CNTNAP5: variants seen among roughly 807,000 people sequenced by gnomAD.
The protein encoded by CNTNAP5 is contactin-associated protein-like 5.
In CNTNAP5, 72 loss-of-function variants were observed where a neutral mutation model predicts 150.2. The observed-to-expected ratio is 0.48, with a 90% confidence interval of 0.40 to 0.58. The LOEUF (loss-of-function observed/expected upper bound fraction) is 0.58. Ranked by LOEUF, CNTNAP5 falls within the 20% of genes least tolerant of loss-of-function variation. CNTNAP5 has a pLI of 0.00. For missense variants in CNTNAP5, 1,636 were observed against 1,626.2 expected (o/e 1.01, Z -0.10); for synonymous variants, 672 against 619.8 (o/e 1.08, Z -1.25).
At chr2:124,125,732 T>C (rs1394831233) in intron 1 of CNTNAP5, among the ~76,000 whole-genome samples, 1 of 152,084 alleles carries the variant, frequency 6.6e-6, no homozygotes, top group Non-Finnish European at 1.5e-5. Flanking sequence ...CACAGTGCAA[T>C]GAAACTAGAA....
intron 4 of CNTNAP5, among the ~76,000 whole-genome samples, chr2:124,421,823 T>TC (rs961680719): frequency 6.6e-6 from 1 of 152,116 alleles, no homozygotes; most frequent in African/African-American, 2.4e-5. Flanking sequence ...CTCAGAGAAG[T>TC]CCCCCCGACT....
chr2:124,913,634 C>A (rs1299731137), intron 23 of CNTNAP5, among the ~76,000 whole-genome samples: 1 of 152,006 alleles, frequency 6.6e-6, no homozygotes, highest in Non-Finnish European at 1.5e-5. Flanking sequence ...AAATTTACAT[C>A]AGGAGAGCAT....
chr2:124,246,486 T>C (rs574077358), intron 3 of CNTNAP5, among the ~76,000 whole-genome samples: 1 of 152,226 alleles, frequency 6.6e-6, no homozygotes, highest in Non-Finnish European at 1.5e-5. Context: ...CTCTTCCTGA[T>C]TGGTGTGTAG....
At chr2:124,695,684 G>A (rs2105084094) in intron 13 of CNTNAP5, among the ~76,000 whole-genome samples, 1 of 152,252 alleles carries the variant, frequency 6.6e-6, no homozygotes, top group East Asian at 1.9e-4. Context: ...AAAGGAATCT[G>A]GTCAGCTGAA....
At chr2:124,199,849 T>G (rs1270671638) in intron 1 of CNTNAP5, among the ~76,000 whole-genome samples, 1 of 152,240 alleles carries the variant, frequency 6.6e-6, no homozygotes, top group African/African-American at 2.4e-5. Context: ...ATAAACACTT[T>G]TCTTCATTCT....
intron 13 of CNTNAP5, among the ~76,000 whole-genome samples, chr2:124,665,005 G>A (rs571955008): frequency 4.0e-4 from 61 of 152,286 alleles, no homozygotes; most frequent in Non-Finnish European, 6.3e-4. Context: ...TAATCCTACC[G>A]TGTGCTCAGA....
At chr2:124,768,339 T>C (rs2104605981) in intron 16 of CNTNAP5, among the ~76,000 whole-genome samples, 1 of 150,918 alleles carries the variant, frequency 6.6e-6, no homozygotes, top group Non-Finnish European at 1.5e-5. Flanking sequence ...ATATTTACTG[T>C]ATAAATATGA....
chr2:124,716,393 A>AT (rs1679945452), intron 13 of CNTNAP5, among the ~76,000 whole-genome samples: 1 of 152,094 alleles, frequency 6.6e-6, no homozygotes. Flanking sequence ...CACATGTACT[A>AT]TTTGGAAGAT....
intron 5 of CNTNAP5, among the ~76,000 whole-genome samples, chr2:124,439,858 C>T (rs891623868): frequency 1.3e-5 from 2 of 152,298 alleles, no homozygotes; most frequent in African/African-American, 2.4e-5. Context: ...CCCCATTTTA[C>T]TTTTCTACAG....
intron 12 of CNTNAP5, among the ~76,000 whole-genome samples, chr2:124,613,546 G>A (rs192563872): frequency 6.6e-6 from 1 of 152,316 alleles, no homozygotes; most frequent in Non-Finnish European, 1.5e-5. Flanking sequence ...CTTCTAAGAA[G>A]TCTACAGATA....
intron 3 of CNTNAP5, among the ~76,000 whole-genome samples, chr2:124,369,460 TC>T: frequency 6.6e-6 from 1 of 152,216 alleles, no homozygotes; most frequent in East Asian, 1.9e-4. Flanking sequence ...GGGGGTGGGA[TC>T]TTACTCAGAC....
intron 1 of CNTNAP5, among the ~76,000 whole-genome samples, chr2:124,088,603 A>C (rs540572163): frequency 1.3e-5 from 2 of 151,978 alleles, no homozygotes; most frequent in East Asian, 3.9e-4. Context: ...CTGTGCTAGC[A>C]GTCAAAGTGG....
chr2:124,264,651 G>T (rs1164973608), intron 3 of CNTNAP5, among the ~76,000 whole-genome samples: 2 of 152,136 alleles, frequency 1.3e-5, no homozygotes, highest in African/African-American at 4.8e-5. Flanking sequence ...GGCTCATGTG[G>T]GGTGGGATGG....
intron 8 of CNTNAP5, among the ~76,000 whole-genome samples, chr2:124,506,376 G>A (rs1372224697): frequency 6.6e-6 from 1 of 152,154 alleles, no homozygotes; most frequent in Non-Finnish European, 1.5e-5. Flanking sequence ...GAGCATGGGT[G>A]CCTTGAGCTC....
intron 16 of CNTNAP5, among the ~76,000 whole-genome samples, chr2:124,765,642 A>G (rs1409031253): frequency 6.6e-6 from 1 of 152,164 alleles, no homozygotes; most frequent in Admixed American, 6.5e-5. Flanking sequence ...CAAACAAAAT[A>G]TATTTGTTTA....
At chr2:124,474,925 T>C in intron 7 of CNTNAP5, 43 bp downstream of exon 7, 1 of 1,556,608 alleles carries the variant, frequency 6.4e-7, no homozygotes, top group Non-Finnish European at 8.7e-7. Flanking sequence ...TTCTACCACT[T>C]TGGGGTAAGT....
intron 1 of CNTNAP5, among the ~76,000 whole-genome samples, chr2:124,092,822 G>A (rs1393337528): frequency 2.6e-5 from 4 of 152,104 alleles, no homozygotes; most frequent in African/African-American, 7.2e-5. Context: ...TTGAGGTGGT[G>A]TAAAAAAGTA....
intron 22 of CNTNAP5, among the ~76,000 whole-genome samples, chr2:124,908,374 AAAAAG>A (rs1017464351): frequency 6.6e-6 from 1 of 152,136 alleles, no homozygotes; most frequent in Non-Finnish European, 1.5e-5. Flanking sequence ...CAGTCTCAAT[AAAAAG>A]AAAAGAAAAG....
intron 13 of CNTNAP5, among the ~76,000 whole-genome samples, chr2:124,677,646 T>A (rs1271810235): frequency 2.0e-5 from 3 of 150,100 alleles, no homozygotes; most frequent in African/African-American, 7.3e-5. Context: ...CACAGAGTGC[T>A]GATTGGTGCG....
Sources: gnomAD v4.1 joint callset for allele counts (sites outside exome capture counted in the v4.1 genomes callset) on GRCh38, gnomAD v4.1.1 for gene constraint, MANE v1.5 for transcripts, NCBI Gene and HGNC (gene_info 2026-07-23, HGNC 2026-07-21) for gene names.